RPTOR: variants seen among roughly 807,000 people sequenced by gnomAD.
RPTOR encodes regulatory-associated protein of mTOR.
Under a neutral mutation model 169.9 loss-of-function variants are expected in RPTOR, and 21 were observed. The observed-to-expected ratio is 0.12, with a 90% CI of 0.09 to 0.18. The LOEUF (loss-of-function observed/expected upper bound fraction) is 0.18, where lower values mean the gene tolerates loss of function less well. Ranked by LOEUF, RPTOR falls within the 10% of genes least tolerant of loss-of-function variation. The probability of loss-of-function intolerance (pLI) is 1.00; values close to 1 mark genes in which losing one functional copy is unlikely to be tolerated. For missense variants in RPTOR, 1,133 were observed against 1,855.9 expected (o/e 0.61, Z 7.16); for synonymous variants, 732 against 753.2 (o/e 0.97, Z 0.46).
chr17:80,693,015 T>C (rs1461963135), intron 3 of RPTOR, among the ~76,000 whole-genome samples: 1 of 152,228 alleles, frequency 6.6e-6, no homozygotes, highest in Non-Finnish European at 1.5e-5. Context: ...TGTTTTCTCT[T>C]TAGGGAAGTG....
intron 1 of RPTOR, among the ~76,000 whole-genome samples, chr17:80,567,365 A>G (rs2064855038): frequency 6.6e-6 from 1 of 151,760 alleles, no homozygotes; most frequent in Non-Finnish European, 1.5e-5. Flanking sequence ...CCTTCAAATG[A>G]TATTATGCCA....
At chr17:80,718,901 C>T (rs1449960869) in intron 4 of RPTOR, among the ~76,000 whole-genome samples, 1 of 152,152 alleles carries the variant, frequency 6.6e-6, no homozygotes, top group Non-Finnish European at 1.5e-5. Context: ...TAGAGAAACT[C>T]CAGGTAGAAG....
intron 3 of RPTOR, among the ~76,000 whole-genome samples, chr17:80,658,763 G>A (rs1269009883): frequency 2.6e-5 from 4 of 152,204 alleles, no homozygotes; most frequent in Non-Finnish European, 5.9e-5. Context: ...CTCCTTTGCT[G>A]TGGGGCACAG....
In RPTOR at chr17:80,754,166, A is replaced by G. The variant is rs1243463222; in HGVS notation, c.811A>G (p.Ile271Val). Residue 271 changes from isoleucine to valine, a missense_variant, in exon 6 of 34, where the codon ATC (isoleucine) becomes GTC (valine). Ile to Val is a conservative substitution (Grantham distance 29). Transcript: ENST00000306801. The surrounding 1 kb of genome is among the most constrained non-coding windows in gnomAD (Gnocchi z 4.2). ...DLFTSCLTTP[I>V]KIALRWFCMQ... ...ATTCACCTCCTGCCTCACCACCCCC[A>G]TCAAGATCGCCCTGCGCTGGTGAGT... 1 of 1,608,136 alleles carries G rather than the reference A, an allele frequency of 6.2e-7. No individual in the cohort carries two copies. Among genetic ancestry groups the G allele is most frequent in the African/African-American group, 1.3e-5 (1 of 74,738 alleles).
chr17:80,868,174 A>G (rs1400578394), intron 13 of RPTOR, among the ~76,000 whole-genome samples: 1 of 152,226 alleles, frequency 6.6e-6, no homozygotes, highest in Non-Finnish European at 1.5e-5. Context: ...AATATTGACA[A>G]ATCGTTTTTC....
At chr17:80,681,361 G>A (rs957061634) in intron 3 of RPTOR, among the ~76,000 whole-genome samples, 5 of 152,184 alleles carry the variant, frequency 3.3e-5, no homozygotes, top group Admixed American at 6.5e-5. Flanking sequence ...TTGCGGGGCC[G>A]CGGCTCTCGT....
intron 28 of RPTOR, among the ~76,000 whole-genome samples, chr17:80,956,285 AC>A: frequency 6.6e-6 from 1 of 152,128 alleles, no homozygotes; most frequent in African/African-American, 2.4e-5. Context: ...AGTGGTGGGT[AC>A]AAGGATTACT....
intron 3 of RPTOR, among the ~76,000 whole-genome samples, chr17:80,674,787 C>CAAA (rs9319608): frequency 2.7e-4 from 24 of 89,964 alleles, no homozygotes; most frequent in African/African-American, 6.9e-4. Context: ...GACTCTGTCT[C>CAAA]AAAAAAAAAA....
At chr17:80,937,752 C>T (rs2068971842) in intron 24 of RPTOR, among the ~76,000 whole-genome samples, 1 of 152,224 alleles carries the variant, frequency 6.6e-6, no homozygotes, top group African/African-American at 2.4e-5. Flanking sequence ...GCTGCGGTGT[C>T]ATTTGCTGCC....
chr17:80,934,812 T>G (rs993276194), intron 24 of RPTOR, among the ~76,000 whole-genome samples: 7 of 152,114 alleles, frequency 4.6e-5, no homozygotes, highest in Non-Finnish European at 8.8e-5. Context: ...ACTCAGTATA[T>G]GAAGGCAGCA....
intron 1 of RPTOR, among the ~76,000 whole-genome samples, chr17:80,602,109 G>A (rs2065191590): frequency 3.2e-5 from 2 of 62,544 alleles, no homozygotes; most frequent in South Asian, 7.7e-4. Flanking sequence ...GGTGGTGGCC[G>A]GACAGAGGGG....
At chr17:80,583,197 T>TGTTTTTTTTTG (rs1568318444) in intron 1 of RPTOR, among the ~76,000 whole-genome samples, 13 of 102,398 alleles carry the variant, frequency 1.3e-4, no homozygotes, top group East Asian at 6.6e-4. Context: ...TTTTTTTTTT[T>TGTTTTTTTTTG]TTTTTTTTTG....
At chr17:80,930,079 TC>T (rs1219956460) in intron 24 of RPTOR, among the ~76,000 whole-genome samples, 1 of 147,210 alleles carries the variant, frequency 6.8e-6, no homozygotes, top group Admixed American at 6.8e-5. Context: ...CCCCAGCTCA[TC>T]CCCAGCGCAT....
intron 1 of RPTOR, among the ~76,000 whole-genome samples, chr17:80,568,482 A>T (rs1211711790): frequency 6.6e-6 from 1 of 152,018 alleles, no homozygotes; most frequent in Non-Finnish European, 1.5e-5. Flanking sequence ...TTTCTCCTCC[A>T]GCTACTTTAA....
At chr17:80,590,013 A>G (rs7221001) in intron 1 of RPTOR, among the ~76,000 whole-genome samples, 150,444 of 152,386 alleles carry the variant, frequency 0.99, 74,277 homozygotes, top group East Asian at 1. Flanking sequence ...CGATTTTTTG[A>G]GCTAATTTCG....
At chr17:80,807,779 G>A (rs371708061) in intron 7 of RPTOR, among the ~76,000 whole-genome samples, 1 of 151,108 alleles carries the variant, frequency 6.6e-6, no homozygotes, top group Non-Finnish European at 1.5e-5. Context: ...ACTATACTTT[G>A]AGCATCCTGT....
At chr17:80,756,869 TACTC>T (rs1376899692) in intron 6 of RPTOR, among the ~76,000 whole-genome samples, 2 of 152,170 alleles carry the variant, frequency 1.3e-5, no homozygotes, top group Non-Finnish European at 2.9e-5. Flanking sequence ...TGTTATAAAT[TACTC>T]AGTCTGTCGT....
chr17:80,585,543 G>A (rs1442878266), intron 1 of RPTOR, among the ~76,000 whole-genome samples: 3 of 152,122 alleles, frequency 2.0e-5, no homozygotes, highest in Non-Finnish European at 4.4e-5. Context: ...AGGCGCACAG[G>A]GCTGCTGCAC....
chr17:80,964,433 A>C lies in RPTOR; in HGVS notation c.*103A>C. On this transcript the variant is annotated 3_prime_UTR_variant, in exon 34 of 34. Coordinates refer to ENST00000306801, the MANE Select transcript of RPTOR (RefSeq NM_020761.3). ...CGGCTGCTGCGGCCCCGCAGTGTGA[A>C]CGTTGGCTGCTGCCTTAGCTGCTGA... 1 of 1,162,154 alleles carries C rather than the reference A, an allele frequency of 8.6e-7. No homozygotes were observed. Among genetic ancestry groups the C allele is most frequent in the Non-Finnish European group, 1.3e-6 (1 of 789,030 alleles). 72.0% of individuals were successfully genotyped at this position (1,162,154 alleles called of 1,614,324 possible).
Sources: gnomAD v4.1 joint callset for allele counts (sites outside exome capture counted in the v4.1 genomes callset) on GRCh38, gnomAD v4.1.1 for gene constraint, Gnocchi (gnomAD v3.1) non-coding constraint, MANE v1.5 for transcripts, NCBI Gene and HGNC (gene_info 2026-07-23, HGNC 2026-07-21) for gene names.